Variants in MAST4 observed in about 807,000 individuals in gnomAD.
MAST4 encodes microtubule-associated serine/threonine-protein kinase 4.
A neutral mutation model predicts 162.7 loss-of-function variants in MAST4; 89 were observed. The observed-to-expected ratio is 0.55, with a 90% CI of 0.46 to 0.65. MAST4 has a LOEUF of 0.65. MAST4 is among the 30% of genes least tolerant of loss of function. The probability of loss-of-function intolerance (pLI) is 0.00; values close to 1 mark genes in which losing one functional copy is unlikely to be tolerated. For synonymous variants in MAST4, 1,479 were observed against 1,361.1 expected (o/e 1.09, Z -1.91); for missense variants, 3,153 against 3,374.0 (o/e 0.93, Z 1.62).
chr5:66,847,820 C>CAAAAAAAAAAAAAAAAA lies in MAST4; in HGVS notation c.643-52124_643-52108dup, dbSNP rs777825639. Among the ~76,000 whole-genome samples, 61 of 54,140 alleles carry CAAAAAAAAAAAAAAAAA rather than the reference C, an allele frequency of 1.1e-3. 2 individuals are homozygous for CAAAAAAAAAAAAAAAAA. Among genetic ancestry groups the CAAAAAAAAAAAAAAAAA allele is most frequent in the African/African-American group, 5.0e-3 (57 of 11,484 alleles). 35.5% of individuals were successfully genotyped at this position (54,140 alleles called of 152,430 possible). On this transcript the variant is annotated intron_variant, in intron 3 of 28. Coordinates refer to ENST00000403625, the MANE Select transcript of MAST4 (RefSeq NM_001164664.2). The stretch of plus-strand genomic sequence containing the variant: ...TGGGTGCTGGAACAAGACTCCTTCT[C>CAAAAAAAAAAAAAAAAA]AAAAAAAAAAAAAAAAAAAAAAAGA...
intron 8 of MAST4, among the ~76,000 whole-genome samples, chr5:67,100,901 G>A (rs981503886): frequency 6.6e-6 from 1 of 152,194 alleles, no homozygotes; most frequent in African/African-American, 2.4e-5. Flanking sequence ...ATGTTGTTAT[G>A]TTAAGAGGCA....
intron 4 of MAST4, among the ~76,000 whole-genome samples, chr5:67,005,535 G>T (rs1178110668): frequency 6.6e-6 from 1 of 152,130 alleles, no homozygotes; most frequent in Non-Finnish European, 1.5e-5. Context: ...GGATAGCCCA[G>T]GTTAGCTATT....
intron 1 of MAST4, among the ~76,000 whole-genome samples, chr5:66,649,264 A>G (rs985101808): frequency 2.0e-5 from 3 of 152,166 alleles, no homozygotes; most frequent in Admixed American, 6.5e-5. Flanking sequence ...TGACATACTC[A>G]GGGTTGTCTG....
intron 4 of MAST4, among the ~76,000 whole-genome samples, chr5:66,963,364 C>T (rs1273893708): frequency 6.6e-6 from 1 of 152,084 alleles, no homozygotes; most frequent in Non-Finnish European, 1.5e-5. Flanking sequence ...TTTGCATTGT[C>T]TTCTTAATCT....
In MAST4 at chr5:66,951,636, G is replaced by GTGTGTGTATGTA. The variant is rs1554072470; in HGVS notation, c.674+51661_674+51662insATGTATGTGTGT. Among the ~76,000 whole-genome samples the GTGTGTGTATGTA allele has an allele frequency of 4.6e-3, 666 of 145,372 alleles. 1 individual carries two copies. The highest frequency in any genetic ancestry group is 0.011 in the Middle Eastern group (3 of 284). On this transcript the variant is annotated intron_variant, in intron 4 of 28. Transcript: ENST00000403625. ...TGTGTGTGTGTGTGTGTGTGTGTGT[G>GTGTGTGTATGTA]TGTGTGTGTGTGTGTGTATTTTTTC... is the stretch of plus-strand genomic sequence containing the variant.
intron 4 of MAST4, among the ~76,000 whole-genome samples, chr5:67,053,339 G>C (rs77134294): frequency 6.6e-6 from 1 of 152,140 alleles, no homozygotes; most frequent in Non-Finnish European, 1.5e-5. Flanking sequence ...TAAATTAGAA[G>C]TCCAGTGAAA....
At chr5:66,908,313 A>G (rs1024971355) in intron 4 of MAST4, among the ~76,000 whole-genome samples, 3 of 152,184 alleles carry the variant, frequency 2.0e-5, no homozygotes, top group Non-Finnish European at 4.4e-5. Context: ...TGAAAATTAT[A>G]TGAAGACCTT....
chr5:66,916,417 G>GT (rs1764124599), intron 4 of MAST4, among the ~76,000 whole-genome samples: 2 of 152,226 alleles, frequency 1.3e-5, no homozygotes, highest in Non-Finnish European at 2.9e-5. Context: ...ATTTGCTACT[G>GT]TTTTACTGAA....
At chr5:66,752,694 T>C (rs1442253992) in intron 1 of MAST4, among the ~76,000 whole-genome samples, 3 of 147,784 alleles carry the variant, frequency 2.0e-5, no homozygotes, top group African/African-American at 7.5e-5. Flanking sequence ...ACATTAATAA[T>C]GGGAGACTTT....
At chr5:66,777,537 C>G (rs1328093901) in intron 2 of MAST4, among the ~76,000 whole-genome samples, 1 of 152,072 alleles carries the variant, frequency 6.6e-6, no homozygotes, top group Non-Finnish European at 1.5e-5. Flanking sequence ...AACCTCGTGT[C>G]TGGGATCTTT....
chr5:66,903,085 A>C (rs1198977391), intron 4 of MAST4, among the ~76,000 whole-genome samples: 2 of 152,228 alleles, frequency 1.3e-5, no homozygotes, highest in African/African-American at 4.8e-5. Context: ...CATTTATATT[A>C]TAAAACTTAA....
intron 1 of MAST4, among the ~76,000 whole-genome samples, chr5:66,648,773 C>T (rs1746028356): frequency 1.3e-5 from 2 of 151,988 alleles, no homozygotes. Flanking sequence ...GCGTGATTTA[C>T]CAGTGCTGCC....
intron 1 of MAST4, among the ~76,000 whole-genome samples, chr5:66,620,653 A>AT (rs1189562556): frequency 6.6e-6 from 1 of 152,140 alleles, no homozygotes; most frequent in Non-Finnish European, 1.5e-5. Flanking sequence ...GAGACTTAAC[A>AT]TTTTTGTAGA....
At chr5:67,100,731 G>T in intron 8 of MAST4, 139 bp downstream of exon 8, 1 of 1,047,062 alleles carries the variant, frequency 9.6e-7, no homozygotes, top group Admixed American at 2.5e-5. Flanking sequence ...ATGTTTCCAT[G>T]TACACATAAT....
chr5:66,794,822 TAC>T, intron 3 of MAST4, among the ~76,000 whole-genome samples: 1 of 152,328 alleles, frequency 6.6e-6, no homozygotes. Flanking sequence ...ATGGAGAAAT[TAC>T]ATTTCATGAT....
At chr5:66,770,139 A>G (rs986668383) in intron 2 of MAST4, among the ~76,000 whole-genome samples, 1 of 152,258 alleles carries the variant, frequency 6.6e-6, no homozygotes, top group Admixed American at 6.5e-5. Context: ...TAAACAGGCA[A>G]TTCTGTTAGC....
chr5:67,166,135 A>G lies in MAST4; in HGVS notation c.6956A>G (p.Lys2319Arg). 2 of 1,595,172 alleles carry G rather than the reference A, an allele frequency of 1.3e-6. No individual in the cohort carries two copies. The highest frequency in any genetic ancestry group is 1.7e-6 in the Non-Finnish European group (2 of 1,170,356). ...HPGPSEPADQ[K>R]LSAVGEKQTL... ...GGGCCTAGTGAGCCAGCGGACCAGA[A>G]ACTGTCCGCTGTTGGTGAAAAGCAA... is the stretch of plus-strand genomic sequence containing the variant. Residue 2319 changes from lysine (K) to arginine (R), a missense_variant, in exon 29 of 29, where the codon AAA (lysine) becomes AGA (arginine). Lys to Arg is a conservative substitution (Grantham distance 26). This residue lies in a region of MAST4 where 1,644 missense variants were observed against 1,495.0 expected (regional missense o/e 1.10). Transcript: ENST00000403625.
chr5:66,865,632 T>C (rs1014331687), intron 3 of MAST4, among the ~76,000 whole-genome samples: 36 of 152,292 alleles, frequency 2.4e-4, no homozygotes, highest in African/African-American at 8.2e-4. Context: ...AATTAATAAA[T>C]GACTGAAAGT....
At chr5:67,002,357 G>A (rs1339313669) in intron 4 of MAST4, among the ~76,000 whole-genome samples, 1 of 152,128 alleles carries the variant, frequency 6.6e-6, no homozygotes, top group Non-Finnish European at 1.5e-5. Flanking sequence ...GGCTTCTGAA[G>A]TATCCATTCA....
Sources: gnomAD v4.1 joint callset for allele counts (sites outside exome capture counted in the v4.1 genomes callset) on GRCh38, gnomAD v4.1.1 for gene constraint, gnomAD v4.1.1 regional missense constraint, MANE v1.5 for transcripts, NCBI Gene and HGNC (gene_info 2026-07-23, HGNC 2026-07-21) for gene names.